TRERF1: variants seen among roughly 807,000 people sequenced by gnomAD.
The protein encoded by TRERF1 is transcriptional regulating factor 1.
In TRERF1, 27 loss-of-function variants were observed where a neutral mutation model predicts 122.9. The observed-to-expected ratio is 0.22, with a 90% CI of 0.16 to 0.30. TRERF1 has a LOEUF of 0.30. TRERF1 is among the 10% of genes least tolerant of loss of function. The probability of loss-of-function intolerance (pLI) is 1.00; values close to 1 mark genes in which losing one functional copy is unlikely to be tolerated. For missense variants in TRERF1, 1,248 were observed against 1,560.3 expected, an observed-to-expected ratio of 0.80 and a Z score of 3.37; for synonymous variants, 636 against 641.7, an observed-to-expected ratio of 0.99 and a Z score of 0.13.
chr6:42,236,448 C>T (rs1304635294), intron 15 of TRERF1, 37 bp from the exon 16 acceptor site: 6 of 1,542,922 alleles, frequency 3.9e-6, no homozygotes, highest in African/African-American at 1.4e-5. Flanking sequence ...GGGGAAAATC[C>T]CCAAATGGCA....
At chr6:42,413,100 C>G (rs1204399817) in intron 2 of TRERF1, among the ~76,000 whole-genome samples, 6 of 152,166 alleles carry the variant, frequency 3.9e-5, no homozygotes, top group Admixed American at 3.9e-4. Context: ...CCCTCTCGGA[C>G]CATCTAGAAA....
rs141074461 is a variant in TRERF1 at position 42,241,619 on chromosome 6, G to A, written c.2859+1629C>T. ...TGGGATTACAGGTGTGTGCTACCAC[G>A]CCTGGCTAATTTTTTGTATTTTTAT... On this transcript the variant is annotated intron_variant, in intron 15 of 17. Transcript: ENST00000372922. 7.3e-3 allele frequency among the ~76,000 whole-genome samples: 1,105 copies of A among 152,096 alleles called. 14 individuals are homozygous for A. The highest frequency in any genetic ancestry group is 0.025 in the African/African-American group (1,027 of 41,480).
intron 2 of TRERF1, among the ~76,000 whole-genome samples, chr6:42,373,091 T>C (rs1366251452): frequency 6.6e-6 from 1 of 152,246 alleles, no homozygotes; most frequent in Admixed American, 6.5e-5. Context: ...CATAAAATGC[T>C]GTCAATAAAT....
At chr6:42,420,866 C>T (rs1334837767) in intron 2 of TRERF1, among the ~76,000 whole-genome samples, 1 of 152,212 alleles carries the variant, frequency 6.6e-6, no homozygotes, top group Non-Finnish European at 1.5e-5. Context: ...GACAAGAATT[C>T]TGCTTCCACT....
At position 42,262,595 on chromosome 6, in the gene TRERF1, G is replaced by A. The variant is rs200471256; in HGVS notation, c.1884+725C>T. On this transcript the variant is annotated intron_variant, in intron 8 of 17. Transcript: ENST00000372922. The stretch of plus-strand genomic sequence containing the variant: ...AGAGAGAGAGAGAGAGAGAGAGAGA[G>A]AGAGACAGACAGACGGAAACCCTTC... Among the ~76,000 whole-genome samples, 273 of 142,628 alleles carry A rather than the reference G, an allele frequency of 1.9e-3. 20 individuals are homozygous for A. Among genetic ancestry groups the A allele is most frequent in the East Asian group, 7.7e-3 (36 of 4,678 alleles). 93.6% of individuals were successfully genotyped at this position (142,628 alleles called of 152,430 possible).
intron 2 of TRERF1, among the ~76,000 whole-genome samples, chr6:42,413,640 G>A (rs530611452): frequency 6.6e-6 from 1 of 152,148 alleles, no homozygotes; most frequent in African/African-American, 2.4e-5. Flanking sequence ...ATGTTGGCCA[G>A]GATGGTCTTG....
chr6:42,332,046 G>A (rs1765333527), intron 3 of TRERF1, among the ~76,000 whole-genome samples: 1 of 152,204 alleles, frequency 6.6e-6, no homozygotes, highest in African/African-American at 2.4e-5. Flanking sequence ...GGGTTCAAAC[G>A]ATTCCCCTGC....
intron 12 of TRERF1, 114 bp downstream of exon 12, chr6:42,256,614 T>A: frequency 1.2e-6 from 1 of 833,200 alleles, no homozygotes; most frequent in African/African-American, 1.7e-5. Flanking sequence ...TGCTGATTGG[T>A]CATCATGCGC....
At chr6:42,281,665 T>A (rs570569569) in intron 4 of TRERF1, among the ~76,000 whole-genome samples, 1 of 152,142 alleles carries the variant, frequency 6.6e-6, no homozygotes, top group East Asian at 1.9e-4. Flanking sequence ...TGCTTAAGAG[T>A]GCCCAGACTC....
intron 13 of TRERF1, among the ~76,000 whole-genome samples, chr6:42,252,067 G>A (rs1462410801): frequency 3.3e-5 from 5 of 152,238 alleles, no homozygotes; most frequent in Non-Finnish European, 7.3e-5. Flanking sequence ...AAGGTGCTGA[G>A]AGCAACAGAG....
Position 42,301,523 on chromosome 6 carries a change from C to T in TRERF1, c.-370-774G>A, listed in dbSNP as rs114261796. ...GACTACAGGCGTGGGCCACCGTGCC[C>T]AGCCGAAGGACCAGTTTTTAAAAAA... is the stretch of plus-strand genomic sequence containing the variant. On this transcript the variant is annotated intron_variant, in intron 3 of 17. Transcript: ENST00000372922. Among the ~76,000 whole-genome samples the T allele has an allele frequency of 9.3e-4, 142 of 152,318 alleles. 1 individual carries two copies. The highest frequency in any genetic ancestry group is 3.1e-3 in the African/African-American group (129 of 41,566).
intron 2 of TRERF1, among the ~76,000 whole-genome samples, chr6:42,379,158 C>T (rs1201503258): frequency 6.6e-6 from 1 of 151,912 alleles, no homozygotes; most frequent in Admixed American, 6.6e-5. Context: ...GTGTACCACC[C>T]CCCACAGTCT....
In TRERF1 at chr6:42,242,466, G is replaced by A. The variant is rs1031853257; in HGVS notation, c.2859+782C>T. On this transcript the variant is annotated intron_variant, in intron 15 of 17. Transcript: ENST00000372922. ...GTGACAAAAGCTAGAGTTTAGTAAT[G>A]TCAGACATAATTTTTATATACACAT... Among the ~76,000 whole-genome samples the A allele has an allele frequency of 3.3e-5, 5 of 152,190 alleles. No homozygotes were observed. The South Asian group carries it at 6.2e-4, about 19-fold the overall frequency.
chr6:42,417,734 C>G (rs1782042833), intron 2 of TRERF1, among the ~76,000 whole-genome samples: 1 of 152,188 alleles, frequency 6.6e-6, no homozygotes, highest in East Asian at 1.9e-4. Context: ...GGACATGACA[C>G]AGCAGACAAC....
downstream of TRERF1, chr6:42,225,194 A>C (rs1769346606): frequency 6.8e-6 from 1 of 146,054 alleles, no homozygotes; most frequent in Admixed American, 6.9e-5. Flanking sequence ...AGAATGCCCC[A>C]GTTTCCTTTT....
At chr6:42,433,694 T>A (rs181267347) in intron 2 of TRERF1, among the ~76,000 whole-genome samples, 18 of 152,166 alleles carry the variant, frequency 1.2e-4, no homozygotes, top group African/African-American at 4.3e-4. Context: ...TCAGAAGGTA[T>A]CCAAATATTG....
intron 2 of TRERF1, among the ~76,000 whole-genome samples, chr6:42,421,829 C>T (rs1782805790): frequency 6.6e-6 from 1 of 151,860 alleles, no homozygotes; most frequent in Non-Finnish European, 1.5e-5. Context: ...TGGTCTTGAT[C>T]ACTAACTTGA....
Position 42,269,466 on chromosome 6 carries a change from C to G in TRERF1, c.125G>C (p.Gly42Ala). The change falls in exon 5 of 18, where the codon GGG (glycine) becomes GCG (alanine). Residue 42 changes from glycine (G) to alanine (A), a missense_variant. Physicochemically the swap from Gly to Ala is moderately conservative, Grantham distance 60 (BLOSUM62 0). Transcript: ENST00000372922. This position sits in a 1 kb window ranked among gnomAD's most constrained non-coding sequence, Gnocchi z 4.9. ...GGCCTGAGGGGCATCCATTCCGCCCCCTGTAACTGCATTCCCATAGTTGTG... is the reference window on the plus strand; with the variant it reads ...GGCCTGAGGGGCATCCATTCCGCCCGCTGTAACTGCATTCCCATAGTTGTG... 1 of 1,614,196 alleles carries G rather than the reference C, an allele frequency of 6.2e-7. No individual in the cohort carries two copies. Among genetic ancestry groups the G allele is most frequent in the Admixed American group, 1.7e-5 (1 of 60,026 alleles).
At chr6:42,353,022 C>G (rs1769764919) in intron 3 of TRERF1, among the ~76,000 whole-genome samples, 2 of 152,122 alleles carry the variant, frequency 1.3e-5, no homozygotes, top group Non-Finnish European at 2.9e-5. Context: ...CTTTCCCAGG[C>G]AGGGTGCAGT....
Sources: gnomAD v4.1 joint callset for allele counts (sites outside exome capture counted in the v4.1 genomes callset) on GRCh38, gnomAD v4.1.1 for gene constraint, Gnocchi (gnomAD v3.1) non-coding constraint, MANE v1.5 for transcripts, NCBI Gene and HGNC (gene_info 2026-07-23, HGNC 2026-07-21) for gene names.